The following COL4A5 variants were observed in gnomAD, a reference collection of about 807,000 sequenced individuals.
COL4A5 encodes the protein collagen type IV alpha 5 chain.
A neutral mutation model predicts 130.2 loss-of-function variants in COL4A5; 26 were observed. That is an observed-to-expected ratio of 0.20 (90% CI 0.15 to 0.28). COL4A5 has a LOEUF of 0.28. Among genes scored for constraint, COL4A5 ranks in the 10% least tolerant of loss-of-function variants. The pLI is 1.00. For missense variants in COL4A5, 1,131 were observed against 1,344.3 expected, an observed-to-expected ratio of 0.84 and a Z score of 2.48; for synonymous variants, 496 against 439.6, an observed-to-expected ratio of 1.13 and a Z score of -1.60.
At chrX:108,694,383 TC>T (rs2068692775) in intron 50 of COL4A5, 1 of 175,731 alleles carries the variant, frequency 5.7e-6, no homozygotes, top group Non-Finnish European at 1.1e-5. Context: ...TGAGAAAGCG[TC>T]CGTTTCTTAT....
chrX:108,529,976 C>T (rs1205025478), intron 1 of COL4A5, among the ~76,000 whole-genome samples: 1 of 111,317 alleles, frequency 9.0e-6, no homozygotes, highest in Non-Finnish European at 1.9e-5. Flanking sequence ...ACACTCCACT[C>T]TCAGCATTTA....
chrX:108,462,262 C>T (rs1336105900), intron 1 of COL4A5, among the ~76,000 whole-genome samples: 3 of 110,854 alleles, frequency 2.7e-5, no homozygotes, highest in African/African-American at 9.8e-5. Context: ...TTTCTGTTAC[C>T]TACAGAGAAA....
chrX:108,638,941 G>T (rs752446747), intron 36 of COL4A5, among the ~76,000 whole-genome samples: 2 of 111,496 alleles, frequency 1.8e-5, no homozygotes, highest in Non-Finnish European at 3.8e-5. Flanking sequence ...GAAATAAATG[G>T]AAGATTTAAT....
At chrX:108,468,501 G>GTT (rs58196181) in intron 1 of COL4A5, among the ~76,000 whole-genome samples, 56 of 91,556 alleles carry the variant, frequency 6.1e-4, no homozygotes, top group African/African-American at 2.0e-3. Context: ...TTTCGTAAGT[G>GTT]TTTTTTTTTT....
At chrX:108,587,485 G>A (rs1464053098) in intron 19 of COL4A5, among the ~76,000 whole-genome samples, 1 of 111,884 alleles carries the variant, frequency 8.9e-6, no homozygotes, top group Non-Finnish European at 1.9e-5. Context: ...ATTCCATTGT[G>A]TATTTATACC....
Position 108,667,615 on chromosome X carries a change from T to G in COL4A5, c.3604+432T>G, listed in dbSNP as rs5973883. Among the ~76,000 whole-genome samples, 476 of 109,557 alleles carry G rather than the reference T, an allele frequency of 4.3e-3. 4 individuals carry two copies. Among genetic ancestry groups the G allele is most frequent in the African/African-American group, 0.014 (430 of 30,220 alleles). On this transcript the variant is annotated intron_variant, in intron 40 of 52. Coordinates refer to ENST00000328300, the MANE Select transcript of COL4A5 (RefSeq NM_033380.3). Reference sequence around the variant, plus strand: ...CACATCTACCCTCCCTCTTTTGTGCTTACTCTTACTGTGAGCACCAAATAG... The same window carrying G: ...CACATCTACCCTCCCTCTTTTGTGCGTACTCTTACTGTGAGCACCAAATAG...
chrX:108,546,124 G>T (rs776705331), intron 2 of COL4A5, among the ~76,000 whole-genome samples: 5 of 111,844 alleles, frequency 4.5e-5, no homozygotes, highest in African/African-American at 1.6e-4. Flanking sequence ...TGTTAATATT[G>T]TTATGTGTGA....
At chrX:108,602,128 C>T (rs1336508562) in intron 27 of COL4A5, 139 bp downstream of exon 27, 2 of 432,436 alleles carry the variant, frequency 4.6e-6, no homozygotes, top group Non-Finnish European at 8.3e-6. Flanking sequence ...TAAAAAATCA[C>T]AGTGTATTTT....
chrX:108,518,051 TGTC>T (rs1001333826), intron 1 of COL4A5, among the ~76,000 whole-genome samples: 2 of 111,291 alleles, frequency 1.8e-5, no homozygotes, highest in African/African-American at 6.5e-5. Context: ...TTTCATTTAT[TGTC>T]ATTAGTGCCT....
intron 10 of COL4A5, among the ~76,000 whole-genome samples, chrX:108,576,990 C>T (rs993510956): frequency 6.3e-5 from 7 of 111,466 alleles, no homozygotes; most frequent in Non-Finnish European, 1.3e-4. Context: ...TTTCCTCAAC[C>T]ATTGTGGCCA....
At chrX:108,447,008 A>T (rs916724653) in intron 1 of COL4A5, among the ~76,000 whole-genome samples, 1 of 111,130 alleles carries the variant, frequency 9.0e-6, no homozygotes, top group East Asian at 2.8e-4. Flanking sequence ...TACCTCTCCT[A>T]CTGATCTCTT....
At chrX:108,455,683 A>G (rs1338620370) in intron 1 of COL4A5, among the ~76,000 whole-genome samples, 1 of 111,504 alleles carries the variant, frequency 9.0e-6, no homozygotes, top group Non-Finnish European at 1.9e-5. Context: ...ATTTATGTCC[A>G]TTTTTCTTAT....
Position 108,559,305 on chromosome X carries a change from T to C in COL4A5, c.231+152T>C. 4 of 498,182 alleles carry C rather than the reference T, an allele frequency of 8.0e-6. No homozygotes were observed. The East Asian group carries it at 1.1e-4, about 13-fold the overall frequency. 41.1% of individuals were successfully genotyped at this position (498,182 alleles called of 1,213,427 possible). A position where few individuals can be genotyped will look rare whatever the true frequency, so the allele number is the denominator to read the frequency against. ...GAATGACGGGGAGTCTGTACTTTAT[T>C]GTATTTTGTTAAAAAACTAAATATT... is the stretch of plus-strand genomic sequence containing the variant. On this transcript the variant is annotated intron_variant, in intron 3 of 52. Transcript: ENST00000328300.
At chrX:108,550,166 A>G (rs1431195704) in intron 2 of COL4A5, among the ~76,000 whole-genome samples, 1 of 111,546 alleles carries the variant, frequency 9.0e-6, no homozygotes, top group African/African-American at 3.3e-5. Context: ...ATGCCCTCCA[A>G]TTAATTTTGT....
At position 108,548,057 on chromosome X, in the gene COL4A5, C is replaced by T. The variant is rs756714505; in HGVS notation, c.141+8252C>T. ...GAATTCCCTGACCCCTTGCACTTCC[C>T]GGGTGAGGCGATGCCTCACCCTGCT... On this transcript the variant is annotated intron_variant, in intron 2 of 52. Coordinates refer to ENST00000328300, the MANE Select transcript of COL4A5 (RefSeq NM_033380.3). Among the ~76,000 whole-genome samples the T allele has an allele frequency of 5.2e-4, 58 of 111,550 alleles. 1 individual carries two copies. Among genetic ancestry groups the T allele is most frequent in the Admixed American group, 2.9e-3 (31 of 10,610 alleles).
At chrX:108,500,677 A>T (rs1301698105) in intron 1 of COL4A5, among the ~76,000 whole-genome samples, 1 of 112,267 alleles carries the variant, frequency 8.9e-6, no homozygotes. Context: ...CTGGAAAAAA[A>T]TGCATGGATA....
chrX:108,668,280 C>T, intron 40 of COL4A5, 39 bp from the exon 41 acceptor site: 2 of 1,147,593 alleles, frequency 1.7e-6, no homozygotes, highest in Non-Finnish European at 1.2e-6. Context: ...GCTTGTAACT[C>T]GGTATTATTT....
intron 36 of COL4A5, among the ~76,000 whole-genome samples, chrX:108,634,032 A>C (rs887514922): frequency 2.7e-5 from 3 of 111,293 alleles, no homozygotes; most frequent in African/African-American, 6.5e-5. Flanking sequence ...ATCAGTGGAC[A>C]GTAATTTCAC....
chrX:108,642,746 G>A (rs770869160), intron 36 of COL4A5, among the ~76,000 whole-genome samples: 1 of 105,917 alleles, frequency 9.4e-6, no homozygotes, highest in African/African-American at 3.5e-5. Context: ...ACAGACTTCA[G>A]CCCTAGACCT....
Sources: gnomAD v4.1 joint callset for allele counts (sites outside exome capture counted in the v4.1 genomes callset) on GRCh38, gnomAD v4.1.1 for gene constraint, MANE v1.5 for transcripts, NCBI Gene and HGNC (gene_info 2026-07-23, HGNC 2026-07-21) for gene names.